Variants in TCF12 observed in about 807,000 individuals in gnomAD.
TCF12 encodes DNA-binding protein HTF4.
Under a neutral mutation model 86.0 loss-of-function variants are expected in TCF12, and 45 were observed. The observed-to-expected ratio is 0.52, with a 90% CI of 0.41 to 0.67. The LOEUF is 0.67. Among genes scored for constraint, TCF12 ranks in the 30% least tolerant of loss-of-function variants. The pLI is 0.00. For synonymous variants in TCF12, 330 were observed against 299.6 expected, an observed-to-expected ratio of 1.10 and a Z score of -1.05; for missense variants, 881 against 859.9, an observed-to-expected ratio of 1.02 and a Z score of -0.31.
chr15:57,170,443 T>A (rs1261050055), intron 6 of TCF12, among the ~76,000 whole-genome samples: 2 of 150,596 alleles, frequency 1.3e-5, no homozygotes, highest in African/African-American at 4.9e-5. Context: ...AGTTTCTGCT[T>A]CCACCTATGT....
intron 4 of TCF12, among the ~76,000 whole-genome samples, chr15:57,078,068 G>C (rs2070289247): frequency 6.6e-6 from 1 of 152,138 alleles, no homozygotes; most frequent in African/African-American, 2.4e-5. Context: ...ATAAAACTTA[G>C]TTGTGATGAT....
chr15:57,263,613 G>A lies in TCF12; in HGVS notation c.1745+339G>A, dbSNP rs112942446. Among the ~76,000 whole-genome samples the A allele has an allele frequency of 3.2e-3, 477 of 151,414 alleles. 1 individual carries two copies. The highest frequency in any genetic ancestry group is 0.011 in the African/African-American group (459 of 41,532). ...ATCATGTGGTACGGACATTTAGATAGATTTGATCAATAAATATTTGAATAT... is the reference window on the plus strand; with the variant it reads ...ATCATGTGGTACGGACATTTAGATAAATTTGATCAATAAATATTTGAATAT... On this transcript the variant is annotated intron_variant, in intron 18 of 20. Coordinates refer to ENST00000333725, the MANE Select transcript of TCF12 (RefSeq NM_207037.2).
chr15:57,267,931 G>A (rs1209130527), intron 18 of TCF12, among the ~76,000 whole-genome samples: 1 of 152,166 alleles, frequency 6.6e-6, no homozygotes, highest in Non-Finnish European at 1.5e-5. Context: ...TGAAAATGAT[G>A]CATGTAAAAC....
chr15:57,224,074 G>A (rs533400347), intron 8 of TCF12, among the ~76,000 whole-genome samples: 8 of 152,096 alleles, frequency 5.3e-5, no homozygotes, highest in African/African-American at 1.7e-4. Flanking sequence ...TGATTCAAGT[G>A]AGTACAAATA....
intron 8 of TCF12, among the ~76,000 whole-genome samples, chr15:57,212,625 T>TA (rs1196007859): frequency 3.4e-4 from 51 of 152,086 alleles, no homozygotes; most frequent in African/African-American, 1.2e-3. Flanking sequence ...AATGGAATTT[T>TA]AAAAAAAGAG....
At chr15:57,091,912 A>G (rs760270013) in intron 5 of TCF12, 21 bp downstream of exon 5, 7 of 1,592,394 alleles carry the variant, frequency 4.4e-6, no homozygotes, top group Non-Finnish European at 6.0e-6. Flanking sequence ...AATTCTCTGC[A>G]AGTAGTCTTC....
intron 7 of TCF12, 87 bp downstream of exon 7, chr15:57,192,380 T>C: frequency 6.6e-7 from 1 of 1,511,526 alleles, no homozygotes; most frequent in Admixed American, 2.2e-5. Flanking sequence ...TATGCTTTTT[T>C]TTTTTTTTCT....
chr15:56,946,963 A>T (rs1595799119), intron 3 of TCF12, among the ~76,000 whole-genome samples: 1 of 151,836 alleles, frequency 6.6e-6, no homozygotes, highest in Admixed American at 6.6e-5. Context: ...ACATCCAGCT[A>T]ATTTTTGTAC....
At chr15:57,105,307 C>CTTGATTTTCCAG (rs1329492660) in intron 5 of TCF12, among the ~76,000 whole-genome samples, 1 of 152,130 alleles carries the variant, frequency 6.6e-6, no homozygotes, top group African/African-American at 2.4e-5. Flanking sequence ...TTCCTATAAA[C>CTTGATTTTCCAG]TTGATTTTCC....
At chr15:57,184,646 C>A (rs1413054531) in intron 6 of TCF12, among the ~76,000 whole-genome samples, 1 of 152,014 alleles carries the variant, frequency 6.6e-6, no homozygotes, top group African/African-American at 2.4e-5. Context: ...GGTACTTGAC[C>A]CCTGCCCTTA....
chr15:56,966,504 G>A (rs1459776557), intron 3 of TCF12, among the ~76,000 whole-genome samples: 1 of 152,140 alleles, frequency 6.6e-6, no homozygotes, highest in Non-Finnish European at 1.5e-5. Context: ...CATGGGAATG[G>A]TTTTTGCTTT....
chr15:57,076,092 G>A (rs1596408675), intron 4 of TCF12, among the ~76,000 whole-genome samples: 1 of 151,622 alleles, frequency 6.6e-6, no homozygotes. Context: ...CTGAGCTCAA[G>A]TGATCCTCCT....
chr15:56,973,930 T>C (rs761360761), intron 3 of TCF12, among the ~76,000 whole-genome samples: 1 of 152,152 alleles, frequency 6.6e-6, no homozygotes, highest in Non-Finnish European at 1.5e-5. Context: ...TGAGACAGGC[T>C]CACGTTAAAG....
At chr15:57,110,022 G>A (rs149286028) in intron 5 of TCF12, among the ~76,000 whole-genome samples, 37 of 145,990 alleles carry the variant, frequency 2.5e-4, no homozygotes, top group South Asian at 6.6e-4. Flanking sequence ...ATTTAATGTC[G>A]TAGGAGACCA....
rs2063220356 is a variant in TCF12, at chr15:56,987,096, C to G, written c.148+65998C>G. On this transcript the variant is annotated intron_variant, in intron 3 of 20. Coordinates refer to ENST00000333725, the MANE Select transcript of TCF12 (RefSeq NM_207037.2). Reference sequence around the variant, plus strand: ...ATGCAGTAATGCAATATTTAGTGAGCTTAATTAGTTGCTTTTTTTTTTTCC... The same window carrying G: ...ATGCAGTAATGCAATATTTAGTGAGGTTAATTAGTTGCTTTTTTTTTTTCC... Among the ~76,000 whole-genome samples the G allele has an allele frequency of 4.0e-5, 6 of 151,020 alleles. No homozygotes were observed. In the South Asian group the frequency reaches 1.3e-3, roughly 32 times the overall value.
chr15:57,219,247 A>T (rs1207224213), intron 8 of TCF12: 1 of 1,156,926 alleles, frequency 8.6e-7, no homozygotes, highest in South Asian at 4.0e-5. Flanking sequence ...AGCGCTTAAA[A>T]GTGACTTGCA....
chr15:57,269,914 G>C (rs1399144226), intron 18 of TCF12, among the ~76,000 whole-genome samples: 2 of 152,188 alleles, frequency 1.3e-5, no homozygotes, highest in South Asian at 4.1e-4. Context: ...TAGGGTTTCT[G>C]CAGAGAGATC....
At chr15:57,060,015 C>G (rs1186799735) in intron 3 of TCF12, among the ~76,000 whole-genome samples, 1 of 152,036 alleles carries the variant, frequency 6.6e-6, no homozygotes, top group Admixed American at 6.5e-5. Context: ...TGTGTTCTTC[C>G]TAGAAAAGGG....
intron 3 of TCF12, among the ~76,000 whole-genome samples, chr15:56,979,416 T>G (rs1165673350): frequency 1.3e-5 from 2 of 152,240 alleles, no homozygotes; most frequent in South Asian, 2.1e-4. Context: ...CCTTGAGTCA[T>G]TCAGTAAATA....
Sources: allele counts gnomAD v4.1 joint callset (sites outside exome capture counted in the v4.1 genomes callset), GRCh38; gene constraint gnomAD v4.1.1; transcripts MANE v1.5; gene names NCBI Gene and HGNC (gene_info 2026-07-23, HGNC 2026-07-21).